Variants in DEFB125 observed in about 807,000 individuals in gnomAD.
The protein encoded by DEFB125 is beta-defensin 125.
DEFB125 carries 11 observed loss-of-function variants against 11.8 expected under a neutral mutation model. That is an observed-to-expected ratio of 0.94 (90% CI 0.59 to 1.55). DEFB125 has a LOEUF of 1.55. Among genes scored for constraint, DEFB125 ranks in the 40% most tolerant of loss-of-function variants. The pLI is 0.00. For synonymous variants in DEFB125, 79 were observed against 66.7 expected, an observed-to-expected ratio of 1.18 and a Z score of -0.90; for missense variants, 198 against 191.2, an observed-to-expected ratio of 1.04 and a Z score of -0.21.
rs1250654662 is a variant in DEFB125 at position 90,667 on chromosome 20, CCTGGCCCTGCAGGAT to C, written c.58+2909_58+2923del. Reference sequence around the variant, plus strand: ...TAACAAGAGTCCATACAGTGGCTCACCTGGCCCTGCAGGATCTGGCCCTTATGACCTCTCTCACCT... The same window carrying C: ...TAACAAGAGTCCATACAGTGGCTCACCTGGCCCTTATGACCTCTCTCACCT... On this transcript the variant is annotated intron_variant, in intron 1 of 1. Transcript: ENST00000382410. 5.9e-5 allele frequency among the ~76,000 whole-genome samples: 9 copies of C among 152,326 alleles called. 1 individual carries two copies. The highest frequency in any genetic ancestry group is 1.7e-4 in the African/African-American group (7 of 41,582).
Position 96,208 on chromosome 20 carries a change from T to C in DEFB125, c.262T>C (p.Phe88Leu). The change falls in exon 2 of 2, where the codon TTT becomes CTT. Residue 88 changes from phenylalanine (F) to leucine (L), a missense_variant. Transcript: ENST00000382410. The stretch of plus-strand genomic sequence containing the variant: ...ATTGGATTATAGTGATGTGGACTCT[T>C]TTACTGGTTCCCCAGTATCTATGTT... The part of the protein sequence containing the change: ...ITLDYSDVDS[F>L]TGSPVSMLND... The C allele has an allele frequency of 6.2e-7, 1 of 1,614,200 alleles. No homozygotes were observed. The highest frequency in any genetic ancestry group is 1.6e-4 in the Middle Eastern group (1 of 6,062).
chr20:91,171 G>C (rs2054494818), intron 1 of DEFB125, among the ~76,000 whole-genome samples: 1 of 152,064 alleles, frequency 6.6e-6, no homozygotes, highest in Admixed American at 6.6e-5. Context: ...TTGCTATGGA[G>C]TTTTTTGAGC....
intron 1 of DEFB125, among the ~76,000 whole-genome samples, chr20:90,104 C>T (rs1182943394): frequency 6.6e-6 from 1 of 152,142 alleles, no homozygotes; most frequent in African/African-American, 2.4e-5. Flanking sequence ...TTAGAAAGAA[C>T]TCCACACATG....
chr20:95,909 A>C lies in DEFB125; in HGVS notation c.59-96A>C, dbSNP rs1296297071. On this transcript the variant is annotated intron_variant, in intron 1 of 1. Transcript: ENST00000382410. ...GGCTTTTTGTATTTGACATCATATT[A>C]GTCTAGATGTCAGTCAGTGTAAATT... 5.4e-6 allele frequency: 6 copies of C among 1,106,388 alleles called. No homozygotes were observed. In the Admixed American group the frequency reaches 1.4e-4, roughly 26 times the overall value. The allele number at this position is 1,106,388 out of a possible 1,614,324, so 68.5% of individuals were successfully genotyped here.
At position 88,908 on chromosome 20, in the gene DEFB125, C is replaced by T. The variant is rs1175599415; in HGVS notation, c.58+1141C>T. On this transcript the variant is annotated intron_variant, in intron 1 of 1. Transcript: ENST00000382410. ...CACACACACACAGTCAAACCACCTA[C>T]CAGAAAAGCTGAACTATTCTTCTCT... Among the ~76,000 whole-genome samples the T allele has an allele frequency of 3.3e-5, 5 of 151,236 alleles. No homozygotes were observed. In the East Asian group the frequency reaches 9.7e-4, roughly 29 times the overall value.
chr20:88,482 T>C (rs1293697833), intron 1 of DEFB125, among the ~76,000 whole-genome samples: 1 of 152,178 alleles, frequency 6.6e-6, no homozygotes. Context: ...AAAAGAAAAA[T>C]GTTTGTCTGT....
intron 1 of DEFB125, among the ~76,000 whole-genome samples, chr20:95,035 C>T (rs2122979224): frequency 6.6e-6 from 1 of 152,254 alleles, no homozygotes; most frequent in South Asian, 2.1e-4. Flanking sequence ...ATGATAATAA[C>T]AGGTTATAAC....
In DEFB125 at chr20:91,809, T is replaced by C. The variant is rs1231304622; in HGVS notation, c.58+4042T>C. On this transcript the variant is annotated intron_variant, in intron 1 of 1. Transcript: ENST00000382410. ...ATGCTGGAGGAAAAAAATTAAGATA[T>C]AAATCTTTGTAGATGTGAGGAACGA... is the stretch of plus-strand genomic sequence containing the variant. 2.6e-5 allele frequency among the ~76,000 whole-genome samples: 4 copies of C among 152,164 alleles called. No homozygotes were observed. The East Asian group carries it at 7.7e-4, about 29-fold the overall frequency.
At chr20:92,563 T>A (rs1162447247) in intron 1 of DEFB125, among the ~76,000 whole-genome samples, 1 of 151,900 alleles carries the variant, frequency 6.6e-6, no homozygotes, top group Admixed American at 6.6e-5. Context: ...CAGCTAATTT[T>A]TATATTTTTA....
At chr20:93,310 T>C (rs1049142035) in intron 1 of DEFB125, among the ~76,000 whole-genome samples, 2 of 152,166 alleles carry the variant, frequency 1.3e-5, no homozygotes, top group African/African-American at 4.8e-5. Context: ...CCATTTGGTA[T>C]TTCTCGTTCT....
At chr20:88,622 T>C (rs1294465170) in intron 1 of DEFB125, among the ~76,000 whole-genome samples, 1 of 152,140 alleles carries the variant, frequency 6.6e-6, no homozygotes, top group Admixed American at 6.6e-5. Flanking sequence ...AAAAATGCAA[T>C]TGCAAATGCA....
At chr20:95,185 C>G (rs1337065595) in intron 1 of DEFB125, among the ~76,000 whole-genome samples, 1 of 152,126 alleles carries the variant, frequency 6.6e-6, no homozygotes, top group Non-Finnish European at 1.5e-5. Flanking sequence ...TGCTTTAAGA[C>G]TCTAGAGTCT....
Position 87,697 on chromosome 20 carries a change from T to C in DEFB125, c.-13T>C, listed in dbSNP as rs2054480803. The C allele has an allele frequency of 6.2e-7, 1 of 1,612,822 alleles. No individual in the cohort carries two copies. The highest frequency in any genetic ancestry group is 8.5e-7 in the Non-Finnish European group (1 of 1,179,060). ...ATTCCTCAGGACACAGAGCTTCCTC[T>C]CTCCCAGGAGCCATGAATATCCTGA... On this transcript the variant is annotated 5_prime_UTR_variant, in exon 1 of 2. Coordinates refer to ENST00000382410, the MANE Select transcript of DEFB125 (RefSeq NM_153325.4).
At chr20:87,814 G>A in intron 1 of DEFB125, 47 bp downstream of exon 1, 1 of 1,594,728 alleles carries the variant, frequency 6.3e-7, no homozygotes, top group Non-Finnish European at 8.6e-7. Flanking sequence ...ATGAGTTGTT[G>A]CCCTTGGGCT....
intron 1 of DEFB125, among the ~76,000 whole-genome samples, chr20:94,613 C>A (rs892665): frequency 0.36 from 53,957 of 151,916 alleles, 9,885 homozygotes; most frequent in Middle Eastern, 0.48. Flanking sequence ...CTGCTGTTCA[C>A]CTTTTGCTGT....
chr20:88,516 T>G lies in DEFB125; in HGVS notation c.58+749T>G, dbSNP rs573841403. Among the ~76,000 whole-genome samples, 6 of 152,336 alleles carry G rather than the reference T, an allele frequency of 3.9e-5. No homozygotes were observed. In the South Asian group the frequency reaches 1.2e-3, roughly 32 times the overall value. On this transcript the variant is annotated intron_variant, in intron 1 of 1. Transcript: ENST00000382410. ...GTCCAAGAATACCAGTTCTTCAGTC[T>G]TCCCCTTCAGAATCAATCAATGTTA...
chr20:87,801 A>G (rs1229471487), intron 1 of DEFB125, 34 bp downstream of exon 1: 1 of 1,609,378 alleles, frequency 6.2e-7, no homozygotes, highest in Non-Finnish European at 8.5e-7. Context: ...GATGATGACT[A>G]GGATGAGTTG....
chr20:89,029 C>T (rs2054487216), intron 1 of DEFB125, among the ~76,000 whole-genome samples: 1 of 152,200 alleles, frequency 6.6e-6, no homozygotes, highest in East Asian at 1.9e-4. Context: ...TTCAGTTTTA[C>T]AGTCTAATAT....
chr20:90,719 A>G (rs2054493158), intron 1 of DEFB125, among the ~76,000 whole-genome samples: 1 of 151,956 alleles, frequency 6.6e-6, no homozygotes, highest in Non-Finnish European at 1.5e-5. Flanking sequence ...ATCTCCTACT[A>G]TTATAGTCCT....
Sources: allele counts gnomAD v4.1 joint callset (sites outside exome capture counted in the v4.1 genomes callset), GRCh38; gene constraint gnomAD v4.1.1; transcripts MANE v1.5; gene names NCBI Gene and HGNC (gene_info 2026-07-23, HGNC 2026-07-21).